SORCS1: variants seen among roughly 807,000 people sequenced by gnomAD.
The protein encoded by SORCS1 is VPS10 domain-containing receptor SorCS1.
In SORCS1, 60 loss-of-function variants were observed where a neutral mutation model predicts 146.1. The observed-to-expected ratio is 0.41, with a 90% CI of 0.33 to 0.51. The LOEUF is 0.51. SORCS1 is among the 20% of genes least tolerant of loss of function. The pLI is 0.21. For missense variants in SORCS1, 1,352 were observed against 1,487.6 expected (o/e 0.91, Z 1.50); for synonymous variants, 637 against 584.0 (o/e 1.09, Z -1.31).
At chr10:107,001,211 G>T (rs1957202401) in intron 1 of SORCS1, among the ~76,000 whole-genome samples, 1 of 152,146 alleles carries the variant, frequency 6.6e-6, no homozygotes, top group Non-Finnish European at 1.5e-5. Flanking sequence ...TTTAAGATGT[G>T]TGACAGGGAT....
At chr10:106,951,379 G>A (rs747011146) in intron 2 of SORCS1, among the ~76,000 whole-genome samples, 10 of 151,926 alleles carry the variant, frequency 6.6e-5, no homozygotes, top group Non-Finnish European at 7.4e-5. Flanking sequence ...GCATGGTGGC[G>A]GGCATCTGTA....
intron 1 of SORCS1, among the ~76,000 whole-genome samples, chr10:107,039,188 C>T (rs1462036040): frequency 6.6e-6 from 1 of 151,500 alleles, no homozygotes; most frequent in Non-Finnish European, 1.5e-5. Flanking sequence ...AATAGCCGGG[C>T]GTAGTGGCGG....
chr10:106,897,977 C>A (rs148333531), intron 2 of SORCS1, among the ~76,000 whole-genome samples: 2 of 152,202 alleles, frequency 1.3e-5, no homozygotes, highest in South Asian at 4.1e-4. Flanking sequence ...GGACCCATGG[C>A]GATTCTGTAA....
In SORCS1 at chr10:106,906,181, C is replaced by G. The variant is rs1048144362; in HGVS notation, c.626+50332G>C. On this transcript the variant is annotated intron_variant, in intron 2 of 25. Transcript: ENST00000263054. ...CCAGGCTGGAGGGCACTGGCATGCT[C>G]TCGGCTCACTGCAAGCTCAGCCGCC... Among the ~76,000 whole-genome samples the G allele has an allele frequency of 4.0e-4, 61 of 152,212 alleles. 3 individuals are homozygous for G. The highest frequency in any genetic ancestry group is 8.8e-5 in the Non-Finnish European group (6 of 68,048).
chr10:107,091,068 A>G (rs759607833), intron 1 of SORCS1, among the ~76,000 whole-genome samples: 3 of 152,216 alleles, frequency 2.0e-5, no homozygotes, highest in Non-Finnish European at 4.4e-5. Flanking sequence ...AAAGCGAGGG[A>G]GACCCAAGCC....
At chr10:106,794,572 G>A (rs1220954653) in intron 3 of SORCS1, among the ~76,000 whole-genome samples, 1 of 147,006 alleles carries the variant, frequency 6.8e-6, no homozygotes, top group African/African-American at 2.5e-5. Context: ...GCACGATCTC[G>A]GCTCACTGCA....
Position 106,579,464 on chromosome 10 carries a change from C to T in SORCS1, c.3276G>A (p.Val1092=), listed in dbSNP as rs1398836438. The T allele has an allele frequency of 1.9e-6, 3 of 1,613,688 alleles. No homozygotes were observed. Among genetic ancestry groups the T allele is most frequent in the South Asian group, 1.1e-5 (1 of 91,038 alleles). ...ATCCACTGTGGGTTGGAGTGAGGTC[C>T]ACCAGGGGGGCTTGTGGGGGAAACA... ...HAAHLTAAPL[V]DLTPTHSGSA... is the part of the protein sequence containing the mutation. Residue 1092 remains valine, a synonymous_variant, in exon 25 of 26, where the codon GTG becomes GTA. Transcript: ENST00000263054.
chr10:106,802,300 T>C (rs571391444), intron 3 of SORCS1, among the ~76,000 whole-genome samples: 1 of 152,126 alleles, frequency 6.6e-6, no homozygotes, highest in Non-Finnish European at 1.5e-5. Context: ...CAGAGAAACA[T>C]ATGTACAATG....
At chr10:107,172,179 T>C in the SORCS1 span, among the ~76,000 whole-genome samples, 174 of 152,352 alleles carry the variant, frequency 1.1e-3, 1 homozygote, top group African/African-American at 3.9e-3. Flanking sequence ...CTCATCCAAC[T>C]CACTGATACT....
intron 1 of SORCS1, among the ~76,000 whole-genome samples, chr10:107,097,557 A>C (rs970656324): frequency 7.9e-5 from 12 of 152,004 alleles, no homozygotes; most frequent in Admixed American, 3.9e-4. Flanking sequence ...AAGTCTTTAT[A>C]CTCTATCCCA....
chr10:106,769,149 C>T (rs1287543218), intron 4 of SORCS1, among the ~76,000 whole-genome samples: 1 of 152,084 alleles, frequency 6.6e-6, no homozygotes, highest in Non-Finnish European at 1.5e-5. Flanking sequence ...TGAAAGCAGC[C>T]ATGATAAGTA....
intron 1 of SORCS1, among the ~76,000 whole-genome samples, chr10:107,133,868 TTCTG>T (rs1335629958): frequency 1.3e-5 from 2 of 152,224 alleles, no homozygotes; most frequent in Non-Finnish European, 2.9e-5. Context: ...CTTCTGTCTT[TTCTG>T]TCTGTCTAAC....
intron 5 of SORCS1, among the ~76,000 whole-genome samples, chr10:106,737,749 C>T (rs1021609652): frequency 2.0e-5 from 3 of 148,532 alleles, no homozygotes; most frequent in Admixed American, 2.0e-4. Context: ...TAGAGAGATA[C>T]CAGGGACCAT....
intron 2 of SORCS1, among the ~76,000 whole-genome samples, chr10:106,887,916 G>A (rs1256921107): frequency 1.3e-5 from 2 of 152,126 alleles, no homozygotes; most frequent in Admixed American, 6.5e-5. Flanking sequence ...GAGTGACTAC[G>A]TAGACAAAGC....
At chr10:107,058,765 C>G (rs72812916) in intron 1 of SORCS1, among the ~76,000 whole-genome samples, 1,588 of 152,296 alleles carry the variant, frequency 0.01, 15 homozygotes, top group South Asian at 0.028. Flanking sequence ...ATCACAAATA[C>G]TGGAATTACT....
intron 1 of SORCS1, among the ~76,000 whole-genome samples, chr10:107,034,938 C>A (rs543636401): frequency 6.6e-6 from 1 of 151,984 alleles, no homozygotes; most frequent in South Asian, 2.1e-4. Flanking sequence ...AGAATGCTAA[C>A]CTGATCTCTG....
chr10:107,116,367 G>A (rs918082743), intron 1 of SORCS1, among the ~76,000 whole-genome samples: 2 of 152,032 alleles, frequency 1.3e-5, no homozygotes, highest in African/African-American at 4.8e-5. Context: ...TAATCAAAGT[G>A]TCCATTGCTG....
chr10:106,880,455 A>C (rs974127582), intron 2 of SORCS1, among the ~76,000 whole-genome samples: 4 of 152,190 alleles, frequency 2.6e-5, no homozygotes, highest in African/African-American at 9.7e-5. Flanking sequence ...CAATTTTCTA[A>C]AGGAGAGTCT....
chr10:106,783,653 C>G (rs1861062641), intron 3 of SORCS1, among the ~76,000 whole-genome samples: 1 of 152,048 alleles, frequency 6.6e-6, no homozygotes, highest in Admixed American at 6.6e-5. Flanking sequence ...TATTCTTGAA[C>G]AAATAAAGAT....
Sources: gnomAD v4.1 joint callset for allele counts (sites outside exome capture counted in the v4.1 genomes callset) on GRCh38, gnomAD v4.1.1 for gene constraint, MANE v1.5 for transcripts, NCBI Gene and HGNC (gene_info 2026-07-23, HGNC 2026-07-21) for gene names.